Variants in MDN1 observed in about 807,000 individuals in gnomAD.
MDN1 encodes the protein midasin AAA ATPase 1, also known as midasin.
MDN1 carries 266 observed loss-of-function variants against 669.2 expected under a neutral mutation model. The observed-to-expected ratio is 0.40, with a 90% CI of 0.36 to 0.44. The LOEUF is 0.44. MDN1 is among the 20% of genes least tolerant of loss of function. The pLI, the probability that MDN1 is intolerant of heterozygous loss-of-function variation, is 1.00. For missense variants in MDN1, 5,940 were observed against 6,754.0 expected (o/e 0.88, Z 4.22); for synonymous variants, 2,385 against 2,457.1 (o/e 0.97, Z 0.87).
At chr6:89,663,221 T>C (rs1282421419) in intron 85 of MDN1, among the ~76,000 whole-genome samples, 1 of 152,184 alleles carries the variant, frequency 6.6e-6, no homozygotes, top group Non-Finnish European at 1.5e-5. Flanking sequence ...CCTATGAGGA[T>C]GTCTGGTTTT....
intron 91 of MDN1, among the ~76,000 whole-genome samples, chr6:89,656,476 CAG>C (rs979634797): frequency 2.0e-5 from 3 of 152,128 alleles, no homozygotes; most frequent in African/African-American, 4.8e-5. Flanking sequence ...TGGCCGGAAT[CAG>C]GGGTCGGGGA....
intron 47 of MDN1, 84 bp from the exon 48 acceptor site, chr6:89,712,870 G>GCGAC: frequency 8.0e-7 from 1 of 1,252,704 alleles, no homozygotes; most frequent in African/African-American, 1.5e-5. Context: ...AATAGTCCAT[G>GCGAC]CGACCACCTC....
intron 2 of MDN1, among the ~76,000 whole-genome samples, chr6:89,799,761 A>C (rs1422375099): frequency 6.6e-6 from 1 of 152,226 alleles, no homozygotes; most frequent in Non-Finnish European, 1.5e-5. Context: ...AAGTGTATAC[A>C]CATTTTTAAG....
intron 86 of MDN1, 75 bp downstream of exon 86, chr6:89,662,717 A>C: frequency 6.8e-7 from 1 of 1,461,026 alleles, no homozygotes. Flanking sequence ...AGAGAAGTAA[A>C]TGACAGAGAA....
At position 89,738,351 on chromosome 6, in the gene MDN1, C is replaced by A; in HGVS notation, c.4698G>T (p.Leu1566Phe). ...CTTTAGGATCTATTCTGCCCAGACA[C>A]AATCCTGGACGAAGATTATGACTGA... The part of the protein sequence containing the change: ...QIISHNLRPG[L>F]CLGRIDPKGS... The change falls in exon 33 of 102, where the codon TTG (leucine) becomes TTT (phenylalanine). Residue 1566 changes from leucine (L) to phenylalanine (F), a missense_variant. This residue lies in a region of MDN1 where 2,292 missense variants were observed against 2,638.3 expected (regional missense o/e 0.87). Coordinates refer to ENST00000369393, the MANE Select transcript of MDN1 (RefSeq NM_014611.3). The A allele has an allele frequency of 1.2e-6, 2 of 1,614,050 alleles. No homozygotes were observed. Among genetic ancestry groups the A allele is most frequent in the Non-Finnish European group, 1.7e-6 (2 of 1,179,944 alleles).
chr6:89,682,738 A>T (rs1277501790), intron 73 of MDN1, among the ~76,000 whole-genome samples: 1 of 142,686 alleles, frequency 7.0e-6, no homozygotes, highest in Non-Finnish European at 1.6e-5. Context: ...CTAAAAGTTC[A>T]AGACCAGCCT....
chr6:89,664,510 T>A lies in MDN1; in HGVS notation c.14213A>T (p.His4738Leu), dbSNP rs778101697. The change falls in exon 85 of 102, where the codon CAT becomes CTT. Residue 4738 changes from histidine to leucine, a missense_variant. His to Leu is a moderately conservative substitution (Grantham distance 99, BLOSUM62 -3). Around this residue, in one of 5 missense-constraint regions of MDN1, gnomAD observed 2,280 missense variants for 2,576.3 expected, o/e 0.88. Transcript: ENST00000369393. ...ACCTTGTTCTTCAAGCTCCCCATCA[T>A]GCATTTTCCCATCAAAATCTTCCGA... ...EMSEDFDGKM[H>L]DGELEEQEED... is the part of the protein sequence containing the mutation. The A allele has an allele frequency of 6.2e-7, 1 of 1,613,982 alleles. No individual in the cohort carries two copies. Among genetic ancestry groups the A allele is most frequent in the Non-Finnish European group, 8.5e-7 (1 of 1,180,010 alleles).
In MDN1 at chr6:89,728,998, C is replaced by T. The variant is rs778998899; in HGVS notation, c.5282G>A (p.Ser1761Asn). ...AGCCTTTGCTAATGCTCCCACCAAACTTGTCTTGCCAACACCAGGGGAACC... is the reference window on the plus strand; with the variant it reads ...AGCCTTTGCTAATGCTCCCACCAAATTTGTCTTGCCAACACCAGGGGAACC... ...LEGSPGVGKT[S>N]LVGALAKASG... Residue 1761 changes from serine (S) to asparagine (N), a missense_variant, in exon 36 of 102, where the codon AGT becomes AAT. Transcript: ENST00000369393. 5.0e-6 allele frequency: 8 copies of T among 1,614,060 alleles called. No homozygotes were observed. The highest frequency in any genetic ancestry group is 6.8e-6 in the Non-Finnish European group (8 of 1,180,030).
intron 37 of MDN1, among the ~76,000 whole-genome samples, chr6:89,726,272 C>A (rs1404795010): frequency 6.6e-6 from 1 of 151,820 alleles, no homozygotes; most frequent in Non-Finnish European, 1.5e-5. Flanking sequence ...ACCAGGCGGG[C>A]CAACATAGCG....
chr6:89,755,873 C>T (rs1817218735), intron 20 of MDN1, among the ~76,000 whole-genome samples: 1 of 152,232 alleles, frequency 6.6e-6, no homozygotes. Flanking sequence ...CCAAACCTGA[C>T]ACAATCAATT....
rs185773012 is a variant in MDN1 at position 89,650,988 on chromosome 6, G to A, written c.15916-141C>T. The A allele has an allele frequency of 4.0e-4, 244 of 611,208 alleles. No homozygotes were observed. The East Asian group carries it at 6.5e-3, about 16-fold the overall frequency. The allele number at this position is 611,208 out of a possible 1,614,324, so 37.9% of individuals were successfully genotyped here. A position where few individuals can be genotyped will look rare whatever the true frequency, so the allele number is the denominator to read the frequency against. On this transcript the variant is annotated intron_variant, in intron 95 of 101. Transcript: ENST00000369393. ...CAGAAGCACTTTAAATCTTCTCCCA[G>A]CAAGCTACCATGTAATTTACTTGAT... is the stretch of plus-strand genomic sequence containing the variant.
intron 84 of MDN1, among the ~76,000 whole-genome samples, chr6:89,665,492 C>CA (rs1170666134): frequency 7.0e-6 from 1 of 142,788 alleles, no homozygotes; most frequent in African/African-American, 2.6e-5. Flanking sequence ...GTGGATCACG[C>CA]AGTCAGGAGT....
At chr6:89,658,983 G>A (rs1809529607) in intron 88 of MDN1, 66 bp from the exon 89 acceptor site, 2 of 1,445,194 alleles carry the variant, frequency 1.4e-6, no homozygotes, top group Admixed American at 2.2e-5. Flanking sequence ...CTTAAGCTGG[G>A]AGCTACTTAT....
chr6:89,772,730 G>T lies in MDN1; in HGVS notation c.1935-9C>A. ...CGAAAGTGAACTTCTCCCTGGGAAG[G>T]AGAAAAAAAGAGTTTAAAAACCACG... On this transcript the variant is annotated splice_polypyrimidine_tract_variant and intron_variant, in intron 13 of 101. Coordinates refer to ENST00000369393, the MANE Select transcript of MDN1 (RefSeq NM_014611.3). 6.2e-7 allele frequency: 1 copy of T among 1,608,502 alleles called. No homozygotes were observed. The highest frequency in any genetic ancestry group is 8.5e-7 in the Non-Finnish European group (1 of 1,177,986).
At chr6:89,806,156 T>G (rs1768004581) in intron 1 of MDN1, among the ~76,000 whole-genome samples, 1 of 152,064 alleles carries the variant, frequency 6.6e-6, no homozygotes, top group South Asian at 2.1e-4. Context: ...CAGGCTGATC[T>G]CAAACTCCTG....
At chr6:89,814,837 G>T in intron 1 of MDN1, 1 of 482,012 alleles carries the variant, frequency 2.1e-6, no homozygotes. Context: ...AAAGAAGGCT[G>T]CCCCTAAGAG....
chr6:89,698,422 G>A (rs567740762), intron 59 of MDN1, among the ~76,000 whole-genome samples: 2 of 152,226 alleles, frequency 1.3e-5, no homozygotes, highest in East Asian at 1.9e-4. Flanking sequence ...TGATACAATG[G>A]AATAACTTTT....
At chr6:89,646,690 A>C in intron 99 of MDN1, 87 bp from the exon 100 acceptor site, 1 of 1,191,568 alleles carries the variant, frequency 8.4e-7, no homozygotes, top group Non-Finnish European at 1.2e-6. Flanking sequence ...TCTGACATTG[A>C]AGTGATTATC....
chr6:89,686,359 A>G (rs1193076622), intron 69 of MDN1, among the ~76,000 whole-genome samples: 1 of 152,182 alleles, frequency 6.6e-6, no homozygotes, highest in Non-Finnish European at 1.5e-5. Flanking sequence ...TGGGAGGCGG[A>G]GATTGCAGGG....
Sources: gnomAD v4.1 joint callset for allele counts (sites outside exome capture counted in the v4.1 genomes callset) on GRCh38, gnomAD v4.1.1 for gene constraint, gnomAD v4.1.1 regional missense constraint, MANE v1.5 for transcripts, NCBI Gene and HGNC (gene_info 2026-07-23, HGNC 2026-07-21) for gene names.